The following COL11A1 variants were observed in gnomAD, a reference collection of about 807,000 sequenced individuals.
COL11A1 encodes the protein collagen type XI alpha 1 chain, also known as collagen alpha-1(XI) chain.
Under a neutral mutation model 265.2 loss-of-function variants are expected in COL11A1, and 74 were observed. The ratio of observed to expected loss-of-function variants is 0.28; its 90% CI spans 0.23 to 0.34. The LOEUF (loss-of-function observed/expected upper bound fraction) is 0.34. COL11A1 is among the 10% of genes least tolerant of loss of function. The probability of loss-of-function intolerance (pLI) is 1.00; values close to 1 mark genes in which losing one functional copy is unlikely to be tolerated. For synonymous variants in COL11A1, 816 were observed against 727.6 expected, an observed-to-expected ratio of 1.12 and a Z score of -1.96; for missense variants, 2,165 against 2,263.6, an observed-to-expected ratio of 0.96 and a Z score of 0.88.
At chr1:103,032,179 T>C (rs1396410468) in intron 4 of COL11A1, among the ~76,000 whole-genome samples, 1 of 152,142 alleles carries the variant, frequency 6.6e-6, no homozygotes, top group African/African-American at 2.4e-5. Flanking sequence ...CAATTCCCTG[T>C]AAGTTTGAGC....
At position 102,889,532 on chromosome 1, in the gene COL11A1, G is replaced by T. The variant is rs1261468907; in HGVS notation, c.4387C>A (p.Pro1463Thr). The change falls in exon 59 of 67, where the codon CCT becomes ACT. Residue 1463 changes from proline (P) to threonine (T), a missense_variant. Coordinates refer to ENST00000370096, the MANE Select transcript of COL11A1 (RefSeq NM_001854.4). ...GHPGLIGLIGPPGEQGEKGDR... is the reference protein window; with the variant it reads ...GHPGLIGLIGTPGEQGEKGDR... ...CCTTTTTCCCCTTGTTCTCCTGGAGGACCAATCAGGCCAATTAAACCAGGA... is the reference window on the plus strand; with the variant it reads ...CCTTTTTCCCCTTGTTCTCCTGGAGTACCAATCAGGCCAATTAAACCAGGA... The T allele has an allele frequency of 1.2e-6, 2 of 1,613,336 alleles. No individual in the cohort carries two copies. The highest frequency in any genetic ancestry group is 1.7e-5 in the Admixed American group (1 of 59,894).
chr1:102,943,609 C>T (rs1169913800), intron 42 of COL11A1, among the ~76,000 whole-genome samples: 1 of 152,026 alleles, frequency 6.6e-6, no homozygotes, highest in Admixed American at 6.6e-5. Flanking sequence ...ACGTGGTAAT[C>T]CAAAAATATG....
At chr1:103,105,483 A>C (rs532877057) in intron 1 of COL11A1, among the ~76,000 whole-genome samples, 1 of 152,108 alleles carries the variant, frequency 6.6e-6, no homozygotes, top group Non-Finnish European at 1.5e-5. Flanking sequence ...TTCACTTCCA[A>C]GAAATTTCTC....
chr1:102,920,974 G>GT, intron 48 of COL11A1, among the ~76,000 whole-genome samples: 1 of 152,228 alleles, frequency 6.6e-6, no homozygotes, highest in East Asian at 1.9e-4. Context: ...TCCATTAATG[G>GT]TAACAGTAAG....
intron 11 of COL11A1, among the ~76,000 whole-genome samples, chr1:103,016,087 A>G (rs2101906837): frequency 6.6e-6 from 1 of 152,210 alleles, no homozygotes; most frequent in Admixed American, 6.6e-5. Flanking sequence ...TTACAGTTAG[A>G]TAAAAACAGA....
chr1:102,879,802 C>A lies in COL11A1; in HGVS notation c.5155G>T (p.Ala1719Ser), dbSNP rs1280105242. ...CTTCCTGATGACACATCATACCAGG[C>A]TGCTGACTGATGACAGTGGTAGGTG... is the stretch of plus-strand genomic sequence containing the variant. Reference protein sequence around the residue: ...NFTYHCHQSAAWYDVSSGSYD... With the variant: ...NFTYHCHQSASWYDVSSGSYD... Residue 1719 changes from alanine (A) to serine (S), a missense_variant, in exon 66 of 67, where the codon GCC becomes TCC. Ala to Ser is a moderately conservative substitution (Grantham distance 99). Transcript: ENST00000370096. 6.2e-7 allele frequency: 1 copy of A among 1,613,980 alleles called. No individual in the cohort carries two copies. Among genetic ancestry groups the A allele is most frequent in the Non-Finnish European group, 8.5e-7 (1 of 1,179,912 alleles).
intron 28 of COL11A1, among the ~76,000 whole-genome samples, chr1:102,992,375 C>T (rs572799125): frequency 5.3e-5 from 8 of 151,990 alleles, no homozygotes; most frequent in Non-Finnish European, 1.0e-4. Context: ...CAGACTTAAG[C>T]GACAAATCTA....
chr1:102,971,035 A>AAAAC (rs776688627), intron 36 of COL11A1, among the ~76,000 whole-genome samples: 2 of 151,846 alleles, frequency 1.3e-5, no homozygotes, highest in South Asian at 2.1e-4. Context: ...ACAAAAAAAA[A>AAAAC]CCAAGAATGC....
At chr1:102,885,533 A>G (rs1457491530) in intron 63 of COL11A1, among the ~76,000 whole-genome samples, 1 of 152,168 alleles carries the variant, frequency 6.6e-6, no homozygotes, top group Admixed American at 6.6e-5. Context: ...TAATAGTCGC[A>G]TAACTTTAAT....
At chr1:103,002,889 A>C (rs1665252838) in intron 21 of COL11A1, 98 bp from the exon 22 acceptor site, 10 of 1,106,102 alleles carry the variant, frequency 9.0e-6, no homozygotes, top group Non-Finnish European at 1.4e-5. Flanking sequence ...TCACTACCCT[A>C]AGCAACTAAA....
intron 54 of COL11A1, among the ~76,000 whole-genome samples, chr1:102,906,925 G>C (rs1654049798): frequency 6.6e-6 from 1 of 152,000 alleles, no homozygotes; most frequent in African/African-American, 2.4e-5. Context: ...TTTTACTCTG[G>C]TGAAGAAAAT....
At chr1:102,968,120 A>C (rs780729457) in intron 37 of COL11A1, among the ~76,000 whole-genome samples, 2 of 152,230 alleles carry the variant, frequency 1.3e-5, no homozygotes, top group Non-Finnish European at 2.9e-5. Context: ...AAACTTTTAC[A>C]GTTCACAACA....
intron 28 of COL11A1, among the ~76,000 whole-genome samples, chr1:102,990,363 A>G (rs1312038599): frequency 1.3e-5 from 2 of 152,070 alleles, no homozygotes; most frequent in African/African-American, 2.4e-5. Context: ...TCCATTAGAT[A>G]AATGCCTTCT....
chr1:102,899,074 C>CT, intron 54 of COL11A1, 80 bp from the exon 55 acceptor site: 1 of 758,926 alleles, frequency 1.3e-6, no homozygotes, highest in Non-Finnish European at 2.0e-6. Flanking sequence ...AAACACTAAA[C>CT]TTTAGTTTGT....
intron 57 of COL11A1, 117 bp downstream of exon 57, chr1:102,898,008 G>T: frequency 2.0e-6 from 1 of 489,098 alleles, no homozygotes; most frequent in South Asian, 2.8e-5. Flanking sequence ...TATACTTCTT[G>T]GACTATTAGA....
intron 36 of COL11A1, among the ~76,000 whole-genome samples, chr1:102,974,390 A>G (rs1050371091): frequency 2.0e-5 from 3 of 152,196 alleles, no homozygotes; most frequent in African/African-American, 4.8e-5. Flanking sequence ...CAGATATAAT[A>G]TTAATATAAA....
chr1:103,085,472 A>T (rs1672775008), intron 1 of COL11A1, among the ~76,000 whole-genome samples: 1 of 152,104 alleles, frequency 6.6e-6, no homozygotes, highest in South Asian at 2.1e-4. Flanking sequence ...GTGAAATCCC[A>T]CGGAGGCACA....
intron 54 of COL11A1, among the ~76,000 whole-genome samples, chr1:102,899,519 T>C (rs1256620111): frequency 6.6e-6 from 1 of 152,098 alleles, no homozygotes; most frequent in Non-Finnish European, 1.5e-5. Flanking sequence ...TTGAGAACTA[T>C]GCAGTTCACA....
chr1:102,948,410 T>C (rs1305808389), intron 41 of COL11A1, among the ~76,000 whole-genome samples: 3 of 152,054 alleles, frequency 2.0e-5, no homozygotes, highest in Non-Finnish European at 2.9e-5. Context: ...AAGCCACCCA[T>C]TGGTTCTTTC....
Sources: allele counts gnomAD v4.1 joint callset (sites outside exome capture counted in the v4.1 genomes callset), GRCh38; gene constraint gnomAD v4.1.1; transcripts MANE v1.5; gene names NCBI Gene and HGNC (gene_info 2026-07-23, HGNC 2026-07-21).